Variants in DCP1A observed in about 807,000 individuals in gnomAD.
DCP1A encodes mRNA-decapping enzyme 1A.
A neutral mutation model predicts 58.0 loss-of-function variants in DCP1A; 20 were observed. The ratio of observed to expected loss-of-function variants is 0.34; its 90% CI spans 0.24 to 0.50. The LOEUF (loss-of-function observed/expected upper bound fraction) is 0.50. Among genes scored for constraint, DCP1A ranks in the 20% least tolerant of loss-of-function variants. The pLI is 0.98. For missense variants in DCP1A, 613 were observed against 712.2 expected, an observed-to-expected ratio of 0.86 and a Z score of 1.59; for synonymous variants, 285 against 275.1, an observed-to-expected ratio of 1.04 and a Z score of -0.36.
intron 3 of DCP1A, among the ~76,000 whole-genome samples, chr3:53,327,162 T>A (rs1708132928): frequency 6.6e-6 from 1 of 151,968 alleles, no homozygotes; most frequent in Non-Finnish European, 1.5e-5. Context: ...AGATGGGGTG[T>A]AAAAAAGGGG....
chr3:53,318,826 G>T (rs1707884778), intron 4 of DCP1A, among the ~76,000 whole-genome samples: 1 of 152,214 alleles, frequency 6.6e-6, no homozygotes, highest in South Asian at 2.1e-4. Flanking sequence ...TCACTTAAAA[G>T]AACTAAATAC....
intron 3 of DCP1A, 97 bp downstream of exon 3, chr3:53,342,047 T>C: frequency 1.9e-6 from 2 of 1,077,736 alleles, no homozygotes; most frequent in Non-Finnish European, 2.7e-6. Context: ...AGACCATATT[T>C]TGTTTTGTAA....
chr3:53,300,948 T>C (rs1334510485), intron 6 of DCP1A, among the ~76,000 whole-genome samples: 1 of 152,172 alleles, frequency 6.6e-6, no homozygotes, highest in Non-Finnish European at 1.5e-5. Flanking sequence ...ATGCCTGACC[T>C]TATAATTCTT....
intron 6 of DCP1A, among the ~76,000 whole-genome samples, chr3:53,295,948 G>A (rs1349623631): frequency 4.0e-5 from 6 of 149,996 alleles, no homozygotes; most frequent in East Asian, 2.0e-4. Flanking sequence ...GCTCAAGTGC[G>A]GTGGCGTGAC....
chr3:53,320,109 C>T (rs1179028123), intron 3 of DCP1A, among the ~76,000 whole-genome samples: 1 of 149,358 alleles, frequency 6.7e-6, no homozygotes, highest in Non-Finnish European at 1.5e-5. Flanking sequence ...GCCTAGGCAA[C>T]AGAGTGAGAC....
At chr3:53,310,204 T>G (rs371861245) in intron 5 of DCP1A, among the ~76,000 whole-genome samples, 3 of 152,212 alleles carry the variant, frequency 2.0e-5, no homozygotes, top group South Asian at 2.1e-4. Context: ...GACGATATTT[T>G]ATTCCATAGT....
intron 5 of DCP1A, among the ~76,000 whole-genome samples, chr3:53,311,244 T>C (rs1163371692): frequency 6.6e-6 from 1 of 152,228 alleles, no homozygotes; most frequent in Non-Finnish European, 1.5e-5. Flanking sequence ...CTTGAAGTTC[T>C]GGTGAGGTGA....
rs782593017 is a variant in DCP1A, at chr3:53,347,491, C to A, written c.27G>T (p.Gln9His). 11 of 1,612,974 alleles carry A rather than the reference C, an allele frequency of 6.8e-6. No homozygotes were observed. The South Asian group carries it at 1.2e-4, about 18-fold the overall frequency. Residue 9 changes from glutamine (Q) to histidine (H), a missense_variant, in exon 1 of 10, where the codon CAG becomes CAT. Around this residue, in one of 3 missense-constraint regions of DCP1A, gnomAD observed 50 missense variants for 37.0 expected, o/e 1.35. Coordinates refer to ENST00000610213, the MANE Select transcript of DCP1A (RefSeq NM_018403.7). MEALSRAG[Q>H]EMSLAALKQH... is the part of the protein sequence containing the mutation. ...GCTTCAGGGCCGCTAGGCTCATCTC[C>A]TGCCCAGCTCGACTCAGCGCCTCCA...
At chr3:53,307,618 T>C (rs1553688240) in intron 5 of DCP1A, among the ~76,000 whole-genome samples, 2 of 152,226 alleles carry the variant, frequency 1.3e-5, no homozygotes, top group Non-Finnish European at 2.9e-5. Context: ...GCAGGGCCTT[T>C]CTTGGAGATT....
At chr3:53,325,847 A>G (rs1708090563) in intron 3 of DCP1A, among the ~76,000 whole-genome samples, 2 of 152,194 alleles carry the variant, frequency 1.3e-5, no homozygotes, top group Non-Finnish European at 2.9e-5. Context: ...ATCATAACAG[A>G]TTTTGGCATG....
intron 6 of DCP1A, among the ~76,000 whole-genome samples, chr3:53,295,016 G>A (rs1707070939): frequency 6.6e-6 from 1 of 152,178 alleles, no homozygotes; most frequent in Admixed American, 6.6e-5. Flanking sequence ...CTTTCGGGGA[G>A]TAGGGGGAAG....
chr3:53,307,680 GCAA>G (rs1379761471), intron 5 of DCP1A, among the ~76,000 whole-genome samples: 3 of 152,146 alleles, frequency 2.0e-5, no homozygotes, highest in African/African-American at 7.2e-5. Context: ...GGGAAAATGG[GCAA>G]TCAGACAAAC....
At chr3:53,340,583 G>A (rs1172555860) in intron 3 of DCP1A, among the ~76,000 whole-genome samples, 7 of 129,610 alleles carry the variant, frequency 5.4e-5, no homozygotes, top group East Asian at 2.2e-4. Flanking sequence ...TTACCCCCCC[G>A]CCAAGTGAAA....
intron 3 of DCP1A, among the ~76,000 whole-genome samples, chr3:53,340,580 CCCG>C (rs1303402480): frequency 7.3e-6 from 1 of 136,342 alleles, no homozygotes; most frequent in Non-Finnish European, 1.5e-5. Context: ...CAATTACCCC[CCCG>C]CCAAGTGAAA....
intron 7 of DCP1A, among the ~76,000 whole-genome samples, 200 bp from the exon 8 acceptor site, chr3:53,291,056 A>T (rs1475370383): frequency 6.6e-6 from 1 of 152,216 alleles, no homozygotes; most frequent in Non-Finnish European, 1.5e-5. Context: ...ATTCAACTGC[A>T]CTAGAGCTCT....
Position 53,344,884 on chromosome 3 carries a change from CA to C in DCP1A, c.176+17del. 1 of 1,557,146 alleles carries C rather than the reference CA, an allele frequency of 6.4e-7. No homozygotes were observed. The highest frequency in any genetic ancestry group is 8.8e-7 in the Non-Finnish European group (1 of 1,132,316). On this transcript the variant is annotated intron_variant, in intron 2 of 9. Transcript: ENST00000610213. ...CACTAGACTGTTAAAAACAAATATA[CA>C]TATTTTAAAAACTTACCTTCGATAT...
At chr3:53,327,283 T>C (rs782186210) in intron 3 of DCP1A, among the ~76,000 whole-genome samples, 14 of 152,170 alleles carry the variant, frequency 9.2e-5, no homozygotes, top group Non-Finnish European at 1.9e-4. Flanking sequence ...CCTCACGGAC[T>C]ATAAGAGACC....
At position 53,347,447 on chromosome 3, in the gene DCP1A, G is replaced by T; in HGVS notation, c.71C>A (p.Thr24Asn). The T allele has an allele frequency of 1.2e-6, 2 of 1,613,730 alleles. No homozygotes were observed. Among genetic ancestry groups the T allele is most frequent in the Non-Finnish European group, 1.7e-6 (2 of 1,179,734 alleles). Residue 24 changes from threonine (T) to asparagine (N), a missense_variant, in exon 1 of 10, where the codon ACC becomes AAC. Physicochemically the swap from Thr to Asn is moderately conservative, Grantham distance 65. Coordinates refer to ENST00000610213, the MANE Select transcript of DCP1A (RefSeq NM_018403.7). Reference sequence around the variant, plus strand: ...CTGGCCCGTGAGGTCTGCGATGCTGGTGATATAGGGGTCGTGTTGCTTCAG... The same window carrying T: ...CTGGCCCGTGAGGTCTGCGATGCTGTTGATATAGGGGTCGTGTTGCTTCAG... The part of the protein sequence containing the change: ...AALKQHDPYI[T>N]SIADLTGQVA...
At chr3:53,335,409 T>C (rs1317385300) in intron 3 of DCP1A, among the ~76,000 whole-genome samples, 1 of 152,204 alleles carries the variant, frequency 6.6e-6, no homozygotes, top group Non-Finnish European at 1.5e-5. Flanking sequence ...CCCAAAGTGC[T>C]GGGATTACAG....
Sources: gnomAD v4.1 joint callset for allele counts (sites outside exome capture counted in the v4.1 genomes callset) on GRCh38, gnomAD v4.1.1 for gene constraint, gnomAD v4.1.1 regional missense constraint, MANE v1.5 for transcripts, NCBI Gene and HGNC (gene_info 2026-07-23, HGNC 2026-07-21) for gene names.